ZBTB20: variants seen among roughly 807,000 people sequenced by gnomAD.
ZBTB20 encodes zinc finger and BTB domain-containing protein 20.
In ZBTB20, 9 loss-of-function variants were observed where a neutral mutation model predicts 56.9. The observed-to-expected ratio is 0.16, with a 90% CI of 0.10 to 0.28. The LOEUF is 0.28. Among genes scored for constraint, ZBTB20 ranks in the 10% least tolerant of loss-of-function variants. ZBTB20 has a pLI of 1.00. For synonymous variants in ZBTB20, 417 were observed against 420.7 expected, an observed-to-expected ratio of 0.99 and a Z score of 0.11; for missense variants, 655 against 1,003.0, an observed-to-expected ratio of 0.65 and a Z score of 4.69.
intron 5 of ZBTB20, among the ~76,000 whole-genome samples, chr3:114,766,721 A>T (rs1452672507): frequency 6.6e-6 from 1 of 152,076 alleles, no homozygotes; most frequent in Non-Finnish European, 1.5e-5. Flanking sequence ...ATTTTATTTC[A>T]GCCAATTATC....
rs151039021 is a variant in ZBTB20, at chr3:114,565,935, A to C, written c.-294-65544T>G. ...ACAGGGAGCAAATGGAGCAATTATT[A>C]TTATTATTTTTTCCTGCTTCACTCT... On this transcript the variant is annotated intron_variant, in intron 6 of 11. Transcript: ENST00000675478. Among the ~76,000 whole-genome samples, 555 of 152,098 alleles carry C rather than the reference A, an allele frequency of 3.6e-3. 14 individuals are homozygous for C. The South Asian group carries it at 0.071, about 19-fold the overall frequency.
intron 1 of ZBTB20, among the ~76,000 whole-genome samples, chr3:115,072,353 G>A (rs1240872245): frequency 1.3e-5 from 2 of 152,104 alleles, no homozygotes; most frequent in Non-Finnish European, 2.9e-5. Context: ...GTAGCATGCT[G>A]GTTAAGATCA....
At chr3:114,840,371 T>C (rs2074331397) in intron 4 of ZBTB20, among the ~76,000 whole-genome samples, 1 of 152,222 alleles carries the variant, frequency 6.6e-6, no homozygotes, top group Admixed American at 6.5e-5. Context: ...ACATATGGGA[T>C]TGATTAATGT....
chr3:114,759,904 G>T (rs2068313202), intron 5 of ZBTB20, among the ~76,000 whole-genome samples: 1 of 152,026 alleles, frequency 6.6e-6, no homozygotes, highest in South Asian at 2.1e-4. Flanking sequence ...ATAAAAATAA[G>T]GATTTCTAAC....
intron 4 of ZBTB20, among the ~76,000 whole-genome samples, chr3:114,870,800 C>A (rs1269900757): frequency 6.6e-6 from 1 of 152,056 alleles, no homozygotes; most frequent in Non-Finnish European, 1.5e-5. Flanking sequence ...CATCAAAAGT[C>A]TCTCTCTACC....
intron 1 of ZBTB20, among the ~76,000 whole-genome samples, chr3:115,133,210 C>T (rs561886189): frequency 6.6e-6 from 1 of 152,198 alleles, no homozygotes; most frequent in Non-Finnish European, 1.5e-5. Context: ...CTTCTTAGGT[C>T]AATTTTTATC....
intron 6 of ZBTB20, among the ~76,000 whole-genome samples, chr3:114,562,498 T>A (rs2052203126): frequency 6.6e-6 from 1 of 152,012 alleles, no homozygotes. Context: ...TTTCTCCATA[T>A]CAACAATAAG....
chr3:115,144,814 G>A (rs1334105842), intron 1 of ZBTB20: 1 of 152,090 alleles, frequency 6.6e-6, no homozygotes, highest in Non-Finnish European at 1.5e-5. Flanking sequence ...GGACCTCACC[G>A]TGAAAGGGCA....
intron 7 of ZBTB20, among the ~76,000 whole-genome samples, chr3:114,445,060 T>C (rs947738386): frequency 2.0e-5 from 3 of 152,144 alleles, no homozygotes; most frequent in African/African-American, 7.2e-5. Context: ...GATGCTGACA[T>C]TTGCTTTGTC....
At chr3:114,490,430 C>T (rs1383530883) in intron 7 of ZBTB20, among the ~76,000 whole-genome samples, 2 of 152,044 alleles carry the variant, frequency 1.3e-5, no homozygotes, top group African/African-American at 4.8e-5. Flanking sequence ...ACTGTGTTGG[C>T]CAGGCTGGTC....
chr3:114,621,425 G>C (rs189387847), intron 6 of ZBTB20, among the ~76,000 whole-genome samples: 6 of 152,066 alleles, frequency 3.9e-5, no homozygotes, highest in Non-Finnish European at 8.8e-5. Flanking sequence ...ATGGTTGTGC[G>C]TATATGTAGG....
At chr3:114,420,612 G>A (rs924675131) in intron 7 of ZBTB20, among the ~76,000 whole-genome samples, 2 of 152,108 alleles carry the variant, frequency 1.3e-5, no homozygotes, top group East Asian at 3.9e-4. Context: ...TCTTTCCCAT[G>A]TCAAGACAAG....
chr3:114,579,684 T>C (rs951772810), intron 6 of ZBTB20, among the ~76,000 whole-genome samples: 4 of 151,114 alleles, frequency 2.6e-5, no homozygotes, highest in African/African-American at 9.7e-5. Flanking sequence ...AAATGTCTAG[T>C]GTCTAATAAA....
At chr3:114,350,110 T>C (rs936971217) in intron 11 of ZBTB20, among the ~76,000 whole-genome samples, 164 bp downstream of exon 11, 3 of 152,156 alleles carry the variant, frequency 2.0e-5, no homozygotes, top group African/African-American at 4.8e-5. Context: ...TTTGTTCTTA[T>C]GATGGGAGGA....
intron 6 of ZBTB20, among the ~76,000 whole-genome samples, chr3:114,504,828 C>T (rs1675466340): frequency 6.6e-6 from 1 of 152,146 alleles, no homozygotes; most frequent in Non-Finnish European, 1.5e-5. Flanking sequence ...CTGTTACTTC[C>T]AATTTACTAG....
chr3:114,348,741 T>C (rs1317359168), intron 11 of ZBTB20, among the ~76,000 whole-genome samples: 1 of 152,240 alleles, frequency 6.6e-6, no homozygotes, highest in Non-Finnish European at 1.5e-5. Context: ...TCTGTTGCTT[T>C]CCTTCCCTTC....
chr3:115,077,554 T>C (rs533080788), intron 1 of ZBTB20, among the ~76,000 whole-genome samples: 1 of 152,328 alleles, frequency 6.6e-6, no homozygotes, highest in Admixed American at 6.5e-5. Context: ...TGTATTTCCT[T>C]AGAGCAGCCC....
At position 114,753,385 on chromosome 3, in the gene ZBTB20, A is replaced by G. The variant is rs2067735446; in HGVS notation, c.-343+47716T>C. Among the ~76,000 whole-genome samples, 18 of 143,576 alleles carry G rather than the reference A, an allele frequency of 1.3e-4. 6 individuals carry two copies. Among genetic ancestry groups the G allele is most frequent in the Admixed American group, 1.1e-3 (15 of 14,042 alleles). The allele number at this position is 143,576 out of a possible 152,430, so 94.2% of individuals were successfully genotyped here. On this transcript the variant is annotated intron_variant, in intron 5 of 11. Transcript: ENST00000675478. ...TAATGTATATATAATGTATATACAC[A>G]TACATGTATGTATATATATACACAC...
At chr3:115,070,756 CA>C (rs1169475922) in intron 2 of ZBTB20, among the ~76,000 whole-genome samples, 7 of 152,010 alleles carry the variant, frequency 4.6e-5, no homozygotes, top group Admixed American at 2.6e-4. Flanking sequence ...AAACTCAATT[CA>C]GCATAAGAAG....
Sources: allele counts gnomAD v4.1 joint callset (sites outside exome capture counted in the v4.1 genomes callset), GRCh38; gene constraint gnomAD v4.1.1; transcripts MANE v1.5; gene names NCBI Gene and HGNC (gene_info 2026-07-23, HGNC 2026-07-21).